Variants in POU6F2 observed in about 807,000 individuals in gnomAD.
The protein encoded by POU6F2 is POU class 6 homeobox 2.
In POU6F2, 31 loss-of-function variants were observed where a neutral mutation model predicts 71.3. That is an observed-to-expected ratio of 0.43 (90% CI 0.33 to 0.59). The LOEUF (loss-of-function observed/expected upper bound fraction) is 0.59. Ranked by LOEUF, POU6F2 falls within the 20% of genes least tolerant of loss-of-function variation. The pLI, the probability that POU6F2 is intolerant of heterozygous loss-of-function variation, is 0.04. For missense variants in POU6F2, 783 were observed against 856.8 expected, an observed-to-expected ratio of 0.91 and a Z score of 1.07; for synonymous variants, 347 against 355.7, an observed-to-expected ratio of 0.98 and a Z score of 0.27.
At chr7:39,150,769 A>G (rs1421796985) in intron 2 of POU6F2, among the ~76,000 whole-genome samples, 1 of 152,038 alleles carries the variant, frequency 6.6e-6, no homozygotes, top group African/African-American at 2.4e-5. Flanking sequence ...TGCCCAGCCC[A>G]ATCTACATTT....
At chr7:39,019,752 C>A (rs1331418604) in intron 1 of POU6F2, among the ~76,000 whole-genome samples, 3 of 151,492 alleles carry the variant, frequency 2.0e-5, no homozygotes, top group Middle Eastern at 6.8e-3. Flanking sequence ...TTTTCAAAAA[C>A]CTTTGCTCCT....
At chr7:39,443,848 A>G (rs1243406165) in intron 7 of POU6F2, among the ~76,000 whole-genome samples, 1 of 152,246 alleles carries the variant, frequency 6.6e-6, no homozygotes, top group Non-Finnish European at 1.5e-5. Context: ...AAGTTTCTCA[A>G]TTTATTTTTT....
intron 4 of POU6F2, among the ~76,000 whole-genome samples, chr7:39,243,438 A>G (rs1248764208): frequency 6.6e-6 from 1 of 152,084 alleles, no homozygotes; most frequent in Non-Finnish European, 1.5e-5. Context: ...CCACTCACCA[A>G]TGGAAGACCC....
chr7:39,276,161 G>A (rs1415202916), intron 4 of POU6F2, among the ~76,000 whole-genome samples: 2 of 151,568 alleles, frequency 1.3e-5, no homozygotes, highest in East Asian at 1.9e-4. Flanking sequence ...ATCTGACAAA[G>A]GGCTAATATC....
chr7:39,322,218 G>A (rs12701731), intron 4 of POU6F2, among the ~76,000 whole-genome samples: 18,941 of 152,226 alleles, frequency 0.12, 1,365 homozygotes, highest in Admixed American at 0.19. Flanking sequence ...ATGGCCAGGA[G>A]TGGAGCGTGA....
chr7:39,235,838 C>T (rs1794664892), intron 4 of POU6F2, among the ~76,000 whole-genome samples: 1 of 152,138 alleles, frequency 6.6e-6, no homozygotes, highest in Non-Finnish European at 1.5e-5. Flanking sequence ...TTGATGCAAA[C>T]ACATGTGGGG....
chr7:39,178,795 G>A (rs1373597898), intron 2 of POU6F2, among the ~76,000 whole-genome samples: 1 of 152,188 alleles, frequency 6.6e-6, no homozygotes, highest in Admixed American at 6.5e-5. Flanking sequence ...TTGACTGCCA[G>A]TTTACCTTCT....
intron 4 of POU6F2, among the ~76,000 whole-genome samples, chr7:39,334,390 C>G (rs971316609): frequency 3.9e-5 from 6 of 152,064 alleles, no homozygotes; most frequent in Non-Finnish European, 7.3e-5. Flanking sequence ...AAAATTACCT[C>G]TGGAGTACAA....
chr7:39,434,155 AT>A (rs1788176439), intron 7 of POU6F2, among the ~76,000 whole-genome samples: 1 of 152,136 alleles, frequency 6.6e-6, no homozygotes. Flanking sequence ...ACAGCTGGGT[AT>A]GAGTTAACCA....
intron 5 of POU6F2, among the ~76,000 whole-genome samples, chr7:39,347,727 G>T (rs1786057997): frequency 9.6e-6 from 1 of 104,262 alleles, no homozygotes; most frequent in South Asian, 2.8e-4. Flanking sequence ...GACCTCCCAG[G>T]CTCAAGCCAT....
intron 1 of POU6F2, among the ~76,000 whole-genome samples, chr7:38,993,764 T>A (rs1473687981): frequency 6.6e-6 from 1 of 152,132 alleles, no homozygotes; most frequent in African/African-American, 2.4e-5. Context: ...TGCATCAACG[T>A]AGCATTCCGT....
intron 4 of POU6F2, among the ~76,000 whole-genome samples, chr7:39,297,192 CACAT>C (rs1434979665): frequency 9.7e-5 from 8 of 82,632 alleles, no homozygotes; most frequent in African/African-American, 5.5e-4. Context: ...AACACACATA[CACAT>C]ACACACACAC....
chr7:39,039,569 G>T (rs1402653527), intron 1 of POU6F2, among the ~76,000 whole-genome samples: 1 of 151,894 alleles, frequency 6.6e-6, no homozygotes, highest in Non-Finnish European at 1.5e-5. Context: ...ATGATGCCAA[G>T]TAATTCTAAT....
At chr7:39,450,851 G>C (rs1318980425) in intron 7 of POU6F2, among the ~76,000 whole-genome samples, 1 of 152,100 alleles carries the variant, frequency 6.6e-6, no homozygotes, top group Non-Finnish European at 1.5e-5. Flanking sequence ...CACACCACAG[G>C]CTGATAGGAA....
At chr7:39,203,971 G>T (rs1023413410) in intron 2 of POU6F2, among the ~76,000 whole-genome samples, 1 of 152,032 alleles carries the variant, frequency 6.6e-6, no homozygotes, top group African/African-American at 2.4e-5. Flanking sequence ...GTACTTAAAG[G>T]TTGCAGCTTC....
intron 5 of POU6F2, among the ~76,000 whole-genome samples, chr7:39,374,016 G>A (rs977292234): frequency 1.3e-5 from 2 of 152,130 alleles, no homozygotes; most frequent in African/African-American, 4.8e-5. Context: ...TGATCACATG[G>A]TTATTAAAGT....
chr7:39,084,122 C>T (rs1026177192), intron 1 of POU6F2, among the ~76,000 whole-genome samples: 5 of 152,180 alleles, frequency 3.3e-5, no homozygotes, highest in African/African-American at 9.7e-5. Flanking sequence ...CGCTGTCTCT[C>T]TCTGCACTTG....
chr7:39,196,613 G>A (rs2128744256), intron 2 of POU6F2, among the ~76,000 whole-genome samples: 1 of 152,184 alleles, frequency 6.6e-6, no homozygotes, highest in Non-Finnish European at 1.5e-5. Flanking sequence ...ACAAACATTA[G>A]CCAGGTGTGG....
chr7:39,381,568 C>A (rs1052150233), intron 5 of POU6F2, among the ~76,000 whole-genome samples: 3 of 152,070 alleles, frequency 2.0e-5, no homozygotes, highest in Non-Finnish European at 4.4e-5. Flanking sequence ...TTAAAAACTT[C>A]TTTTTCCACC....
Sources: allele counts gnomAD v4.1 joint callset (sites outside exome capture counted in the v4.1 genomes callset), GRCh38; gene constraint gnomAD v4.1.1; transcripts MANE v1.5; gene names NCBI Gene and HGNC (gene_info 2026-07-23, HGNC 2026-07-21).